RASGRF2: variants seen among roughly 807,000 people sequenced by gnomAD.
RASGRF2 encodes ras-specific guanine nucleotide-releasing factor 2.
Under a neutral mutation model 151.0 loss-of-function variants are expected in RASGRF2, and 76 were observed. The observed-to-expected ratio is 0.50, with a 90% confidence interval of 0.42 to 0.61. The LOEUF is 0.61. Among genes scored for constraint, RASGRF2 ranks in the 20% least tolerant of loss-of-function variants. The probability of loss-of-function intolerance (pLI) is 0.00; values close to 1 mark genes in which losing one functional copy is unlikely to be tolerated. For synonymous variants in RASGRF2, 504 were observed against 566.5 expected, an observed-to-expected ratio of 0.89 and a Z score of 1.57; for missense variants, 1,148 against 1,564.6, an observed-to-expected ratio of 0.73 and a Z score of 4.49.
Position 81,073,432 on chromosome 5 carries a change from C to T in RASGRF2, c.867C>T (p.Val289=). Residue 289 remains valine, a synonymous_variant, in exon 5 of 27, where the codon GTC becomes GTT. Transcript: ENST00000265080. ...SKKPPISHDD[V]SSIFLNSETI... is the part of the protein sequence containing the mutation. ...AGCCCCCCATCAGCCACGACGACGT[C>T]AGCAGTATTTTTCTTAACAGGTTTG... The T allele has an allele frequency of 9.9e-6, 16 of 1,614,088 alleles. No homozygotes were observed. The highest frequency in any genetic ancestry group is 1.4e-5 in the Non-Finnish European group (16 of 1,180,016).
At chr5:81,222,363 C>T (rs1049048724) in intron 26 of RASGRF2, among the ~76,000 whole-genome samples, 1 of 152,170 alleles carries the variant, frequency 6.6e-6, no homozygotes, top group South Asian at 2.1e-4. Flanking sequence ...CTTTTAATAG[C>T]CCCTAGGTTT....
intron 17 of RASGRF2, among the ~76,000 whole-genome samples, chr5:81,140,583 C>T (rs1157708069): frequency 6.6e-6 from 1 of 152,168 alleles, no homozygotes; most frequent in African/African-American, 2.4e-5. Flanking sequence ...GCTTTGCATT[C>T]TCTTCCTGGA....
intron 12 of RASGRF2, chr5:81,096,474 A>G (rs1323088915): frequency 6.6e-6 from 1 of 152,214 alleles, no homozygotes; most frequent in Non-Finnish European, 1.5e-5. Context: ...GCTCATAGGG[A>G]GCAAAAGGAA....
At chr5:80,968,660 T>A (rs1333307735) in intron 1 of RASGRF2, among the ~76,000 whole-genome samples, 1 of 152,198 alleles carries the variant, frequency 6.6e-6, no homozygotes, top group Admixed American at 6.5e-5. Flanking sequence ...CCTAGTATGT[T>A]AAATCTTAAA....
At chr5:81,098,667 A>G (rs1288231872) in intron 12 of RASGRF2, among the ~76,000 whole-genome samples, 1 of 152,176 alleles carries the variant, frequency 6.6e-6, no homozygotes, top group Non-Finnish European at 1.5e-5. Flanking sequence ...TAGTATACTT[A>G]GTGATTTTGC....
intron 17 of RASGRF2, among the ~76,000 whole-genome samples, chr5:81,137,728 A>T (rs972623590): frequency 6.6e-6 from 1 of 152,256 alleles, no homozygotes; most frequent in Non-Finnish European, 1.5e-5. Context: ...CTCAGAAGAA[A>T]CAACGCGCTG....
intron 17 of RASGRF2, among the ~76,000 whole-genome samples, chr5:81,171,129 C>T (rs1754648195): frequency 6.6e-6 from 1 of 152,200 alleles, no homozygotes; most frequent in African/African-American, 2.4e-5. Context: ...TTTGGAACAT[C>T]TCCACTAATT....
intron 18 of RASGRF2, among the ~76,000 whole-genome samples, chr5:81,181,578 A>G (rs955065471): frequency 3.3e-5 from 5 of 152,212 alleles, no homozygotes; most frequent in Non-Finnish European, 7.3e-5. Flanking sequence ...CTCACTGCAG[A>G]TAAAACACTA....
At chr5:81,021,902 T>A (rs1299476842) in intron 1 of RASGRF2, among the ~76,000 whole-genome samples, 1 of 152,112 alleles carries the variant, frequency 6.6e-6, no homozygotes, top group African/African-American at 2.4e-5. Flanking sequence ...GGATCACTGA[T>A]TGGTCAAGAA....
At chr5:81,194,901 G>A (rs1230735537) in intron 18 of RASGRF2, among the ~76,000 whole-genome samples, 1 of 152,220 alleles carries the variant, frequency 6.6e-6, no homozygotes, top group African/African-American at 2.4e-5. Flanking sequence ...AGGAACAAGA[G>A]CTATGGGCTC....
In RASGRF2 at chr5:81,137,978, A is replaced by G. The variant is rs140064811; in HGVS notation, c.2686+10815A>G. 2.1e-3 allele frequency among the ~76,000 whole-genome samples: 315 copies of G among 152,312 alleles called. 1 individual carries two copies. Among genetic ancestry groups the G allele is most frequent in the African/African-American group, 7.3e-3 (302 of 41,572 alleles). On this transcript the variant is annotated intron_variant, in intron 17 of 26. Transcript: ENST00000265080. ...GTGAAGATTTATGTTATCTGGCTAG[A>G]ATTTGGGCCGTGCTTGATGTTTGCT...
At chr5:81,215,356 C>T (rs531365713) in intron 23 of RASGRF2, among the ~76,000 whole-genome samples, 4 of 151,500 alleles carry the variant, frequency 2.6e-5, no homozygotes, top group South Asian at 4.2e-4. Flanking sequence ...CTGCAACCTC[C>T]GCCTCCCGGG....
intron 1 of RASGRF2, among the ~76,000 whole-genome samples, chr5:81,002,606 C>T (rs890857129): frequency 9.9e-5 from 15 of 152,116 alleles, no homozygotes; most frequent in African/African-American, 3.6e-4. Context: ...AAAGAAAAAG[C>T]CATTTTTGCT....
chr5:80,967,452 T>TA (rs905776688), intron 1 of RASGRF2, among the ~76,000 whole-genome samples: 2 of 151,768 alleles, frequency 1.3e-5, no homozygotes, highest in Admixed American at 1.3e-4. Context: ...AGTGCTTAAT[T>TA]AAAAAAAAAT....
chr5:80,980,661 A>G (rs1748269556), intron 1 of RASGRF2, among the ~76,000 whole-genome samples: 1 of 152,010 alleles, frequency 6.6e-6, no homozygotes, highest in South Asian at 2.1e-4. Flanking sequence ...AGAGAAAGAA[A>G]AAGAAAAAAG....
Position 80,982,580 on chromosome 5 carries a change from C to CTATTATTATTATTATTATTATTATTAT in RASGRF2, c.288+21565_288+21591dup, listed in dbSNP as rs10634471. On this transcript the variant is annotated intron_variant, in intron 1 of 26. Coordinates refer to ENST00000265080, the MANE Select transcript of RASGRF2 (RefSeq NM_006909.3). ...CTGGAAGTGGGATAGAAATTTGGTT[C>CTATTATTATTATTATTATTATTATTAT]TATTATTATTATTATTATTATTATT... 9.6e-5 allele frequency among the ~76,000 whole-genome samples: 13 copies of CTATTATTATTATTATTATTATTATTAT among 135,168 alleles called. 1 individual carries two copies. The highest frequency in any genetic ancestry group is 5.2e-4 in the South Asian group (2 of 3,882). The allele number at this position is 135,168 out of a possible 152,430, so 88.7% of individuals were successfully genotyped here.
At chr5:81,171,447 A>G (rs1214621172) in intron 17 of RASGRF2, among the ~76,000 whole-genome samples, 1 of 152,186 alleles carries the variant, frequency 6.6e-6, no homozygotes, top group African/African-American at 2.4e-5. Context: ...AATTCAAACT[A>G]AAGCACACAA....
chr5:81,189,486 G>A (rs1755107007), intron 18 of RASGRF2, among the ~76,000 whole-genome samples: 1 of 151,160 alleles, frequency 6.6e-6, no homozygotes, highest in Admixed American at 6.6e-5. Flanking sequence ...GTTTCTGTGT[G>A]TGTTTCTTTT....
At chr5:81,207,188 A>C (rs1755526942) in intron 20 of RASGRF2, 58 bp from the exon 21 acceptor site, 3 of 1,411,984 alleles carry the variant, frequency 2.1e-6, no homozygotes, top group Non-Finnish European at 3.0e-6. Flanking sequence ...ACTGACCTGC[A>C]ATGAGATGGC....
Sources: gnomAD v4.1 joint callset for allele counts (sites outside exome capture counted in the v4.1 genomes callset) on GRCh38, gnomAD v4.1.1 for gene constraint, MANE v1.5 for transcripts, NCBI Gene and HGNC (gene_info 2026-07-23, HGNC 2026-07-21) for gene names.